CTNND2: variants seen among roughly 807,000 people sequenced by gnomAD.
CTNND2 encodes catenin delta-2.
A neutral mutation model predicts 144.4 loss-of-function variants in CTNND2; 22 were observed. That is an observed-to-expected ratio of 0.15 (90% CI 0.11 to 0.22). CTNND2 has a LOEUF of 0.22. Ranked by LOEUF, CTNND2 falls within the 10% of genes least tolerant of loss-of-function variation. CTNND2 has a pLI of 1.00. For missense variants in CTNND2, 1,353 were observed against 1,618.8 expected (o/e 0.84, Z 2.82); for synonymous variants, 751 against 695.6 (o/e 1.08, Z -1.25).
chr5:11,442,350 CAA>C (rs1385416991), intron 3 of CTNND2, among the ~76,000 whole-genome samples: 1 of 151,948 alleles, frequency 6.6e-6, no homozygotes, highest in Non-Finnish European at 1.5e-5. Context: ...GTGAATACAC[CAA>C]AGTTATCTAA....
At chr5:11,338,773 A>G (rs1369719889) in intron 9 of CTNND2, among the ~76,000 whole-genome samples, 1 of 152,218 alleles carries the variant, frequency 6.6e-6, no homozygotes, top group Non-Finnish European at 1.5e-5. Context: ...ACAGACAAAT[A>G]CTGTGTGTGA....
intron 2 of CTNND2, among the ~76,000 whole-genome samples, chr5:11,661,870 G>C (rs1465936273): frequency 1.3e-5 from 2 of 151,818 alleles, no homozygotes; most frequent in East Asian, 3.9e-4. Flanking sequence ...GAGGAGGTGA[G>C]CGGCAGGCAA....
intron 16 of CTNND2, among the ~76,000 whole-genome samples, chr5:11,026,172 G>T (rs1381484107): frequency 2.0e-5 from 3 of 151,972 alleles, no homozygotes; most frequent in Non-Finnish European, 4.4e-5. Flanking sequence ...GCCCAGCTGT[G>T]GTCCTGTGGT....
At position 11,859,147 on chromosome 5, in the gene CTNND2, G is replaced by A. The variant is rs188850298; in HGVS notation, c.37+44670C>T. Among the ~76,000 whole-genome samples the A allele has an allele frequency of 3.0e-3, 457 of 152,268 alleles. 1 individual carries two copies. The highest frequency in any genetic ancestry group is 2.9e-3 in the Non-Finnish European group (200 of 68,032). On this transcript the variant is annotated intron_variant, in intron 1 of 21. Transcript: ENST00000304623. ...ACCACTGCAAGAGCATCTCCTTCAC[G>A]ACTGTCTGCTAAGACACAGCTCATG...
At chr5:11,217,758 G>T (rs1739346189) in intron 10 of CTNND2, among the ~76,000 whole-genome samples, 1 of 152,158 alleles carries the variant, frequency 6.6e-6, no homozygotes, top group African/African-American at 2.4e-5. Context: ...TTTTCAAAAG[G>T]TAAGTATTTA....
intron 2 of CTNND2, among the ~76,000 whole-genome samples, chr5:11,728,904 CT>C (rs1787173280): frequency 6.6e-6 from 1 of 152,052 alleles, no homozygotes; most frequent in Non-Finnish European, 1.5e-5. Context: ...TAAGAAACAA[CT>C]TAGCTTTCAC....
At chr5:11,726,568 A>C (rs1787034836) in intron 2 of CTNND2, among the ~76,000 whole-genome samples, 1 of 152,222 alleles carries the variant, frequency 6.6e-6, no homozygotes, top group African/African-American at 2.4e-5. Flanking sequence ...TGGAAAATTC[A>C]TAAAAATTAC....
At chr5:11,840,338 T>C (rs1794397896) in intron 1 of CTNND2, among the ~76,000 whole-genome samples, 1 of 152,220 alleles carries the variant, frequency 6.6e-6, no homozygotes, top group Admixed American at 6.5e-5. Flanking sequence ...CTACTATGTA[T>C]TGAAGATAAT....
intron 16 of CTNND2, among the ~76,000 whole-genome samples, chr5:11,043,092 T>A (rs1258509659): frequency 6.6e-6 from 1 of 152,036 alleles, no homozygotes; most frequent in Non-Finnish European, 1.5e-5. Context: ...AGCTTATTTT[T>A]TTTTTTTTAG....
chr5:11,236,961 T>A, intron 9 of CTNND2, 138 bp from the exon 10 acceptor site: 1 of 814,276 alleles, frequency 1.2e-6, no homozygotes, highest in Non-Finnish European at 1.9e-6. Flanking sequence ...TTTTCTTACA[T>A]GCAGACCCAT....
intron 11 of CTNND2, among the ~76,000 whole-genome samples, chr5:11,186,237 A>T (rs557770390): frequency 2.6e-5 from 4 of 152,372 alleles, no homozygotes; most frequent in African/African-American, 9.6e-5. Context: ...AAAATGGATC[A>T]TGCTCACAAA....
At chr5:11,244,354 G>A (rs983324117) in intron 9 of CTNND2, among the ~76,000 whole-genome samples, 7 of 142,074 alleles carry the variant, frequency 4.9e-5, no homozygotes, top group East Asian at 2.1e-4. Context: ...GCGCAATCTC[G>A]GCTCACTGCA....
chr5:11,703,218 T>C (rs1785533925), intron 2 of CTNND2, among the ~76,000 whole-genome samples: 1 of 152,230 alleles, frequency 6.6e-6, no homozygotes, highest in African/African-American at 2.4e-5. Flanking sequence ...ATTAAAAATA[T>C]ATAGTTGGCA....
chr5:11,335,665 G>A (rs1475689065), intron 9 of CTNND2, among the ~76,000 whole-genome samples: 1 of 152,102 alleles, frequency 6.6e-6, no homozygotes, highest in Non-Finnish European at 1.5e-5. Context: ...GGAACCTAAG[G>A]CCAATTCACA....
chr5:11,108,195 G>C (rs1451719819), intron 14 of CTNND2, among the ~76,000 whole-genome samples: 3 of 152,186 alleles, frequency 2.0e-5, no homozygotes, highest in Admixed American at 6.6e-5. Context: ...AGTGGGGAAA[G>C]GGAGGGCCAG....
At chr5:11,707,813 A>G (rs1785789824) in intron 2 of CTNND2, among the ~76,000 whole-genome samples, 1 of 152,212 alleles carries the variant, frequency 6.6e-6, no homozygotes, top group South Asian at 2.1e-4. Flanking sequence ...AACTACAAAA[A>G]AGCCTCAGGG....
chr5:10,983,832 T>C (rs1737598888), intron 20 of CTNND2, among the ~76,000 whole-genome samples: 1 of 152,160 alleles, frequency 6.6e-6, no homozygotes, highest in Non-Finnish European at 1.5e-5. Flanking sequence ...GGCTCTCCAC[T>C]ATGGCCATGA....
At chr5:11,537,455 G>A (rs32433) in intron 3 of CTNND2, among the ~76,000 whole-genome samples, 3,733 of 152,166 alleles carry the variant, frequency 0.025, 65 homozygotes, top group Non-Finnish European at 0.037. Context: ...ATATGGGGTT[G>A]AATAGAATTT....
intron 9 of CTNND2, among the ~76,000 whole-genome samples, chr5:11,344,192 C>G (rs1754534413): frequency 6.6e-6 from 1 of 152,080 alleles, no homozygotes; most frequent in Non-Finnish European, 1.5e-5. Context: ...ATCACGAGGT[C>G]AGGAGATCGA....
Sources: allele counts gnomAD v4.1 joint callset (sites outside exome capture counted in the v4.1 genomes callset), GRCh38; gene constraint gnomAD v4.1.1; transcripts MANE v1.5; gene names NCBI Gene and HGNC (gene_info 2026-07-23, HGNC 2026-07-21).